The following CEP162 variants were observed in gnomAD, a reference collection of about 807,000 sequenced individuals.
CEP162 encodes centrosomal protein of 162 kDa.
In CEP162, 141 loss-of-function variants were observed where a neutral mutation model predicts 169.2. That is an observed-to-expected ratio of 0.83 (90% CI 0.73 to 0.96). The LOEUF (loss-of-function observed/expected upper bound fraction) is 0.96. Ranked by LOEUF, CEP162 falls within the 40% of genes least tolerant of loss-of-function variation. The probability of loss-of-function intolerance (pLI) is 0.00; values close to 1 mark genes in which losing one functional copy is unlikely to be tolerated. For synonymous variants in CEP162, 540 were observed against 526.4 expected (o/e 1.03, Z -0.35); for missense variants, 1,600 against 1,587.2 (o/e 1.01, Z -0.14).
intron 13 of CEP162, among the ~76,000 whole-genome samples, chr6:84,183,702 T>C (rs575656243): frequency 6.6e-6 from 1 of 152,146 alleles, no homozygotes; most frequent in Non-Finnish European, 1.5e-5. Flanking sequence ...TCAGCTTCAC[T>C]TGGCAAAAAT....
chr6:84,193,803 T>C (rs1332181665), intron 10 of CEP162, 113 bp from the exon 11 acceptor site: 2 of 559,514 alleles, frequency 3.6e-6, no homozygotes, highest in Non-Finnish European at 3.1e-6. Context: ...AAACGGTACA[T>C]GCAATAAACC....
intron 9 of CEP162, among the ~76,000 whole-genome samples, chr6:84,199,975 G>C (rs2099543790): frequency 6.6e-6 from 1 of 152,222 alleles, no homozygotes; most frequent in Non-Finnish European, 1.5e-5. Context: ...ACTGGGCCGG[G>C]TGTGGTGGCT....
intron 9 of CEP162, among the ~76,000 whole-genome samples, chr6:84,196,411 G>A (rs2099542164): frequency 6.6e-6 from 1 of 152,024 alleles, no homozygotes; most frequent in African/African-American, 2.4e-5. Flanking sequence ...ACTTAGTCTT[G>A]GGTATGTCTT....
At position 84,161,854 on chromosome 6, in the gene CEP162, A is replaced by C. The variant is rs748920251; in HGVS notation, c.2568T>G (p.Ser856Arg). Residue 856 changes from serine to arginine, a missense_variant, in exon 20 of 27, where the codon AGT (serine) becomes AGG (arginine). Ser to Arg is a moderately radical substitution (Grantham distance 110). Transcript: ENST00000403245. ...ILEETHKQEI[S>R]RLQKRLQWYA... The stretch of plus-strand genomic sequence containing the variant: ...ACCACTGTAATCTTTTTTGCAGACG[A>C]CTGATTTCTTGTTTATGTGTTTCTT... The C allele has an allele frequency of 6.3e-7, 1 of 1,583,832 alleles. No individual in the cohort carries two copies. Among genetic ancestry groups the C allele is most frequent in the Non-Finnish European group, 8.6e-7 (1 of 1,160,108 alleles).
intron 9 of CEP162, among the ~76,000 whole-genome samples, chr6:84,199,249 A>G (rs9283803): frequency 0.24 from 36,181 of 152,140 alleles, 9,782 homozygotes; most frequent in African/African-American, 0.67. Flanking sequence ...ACATCATGGT[A>G]GAATACTCAG....
Position 84,124,943 on chromosome 6 carries a change from T to C in CEP162, c.*127A>G. 1 of 726,036 alleles carries C rather than the reference T, an allele frequency of 1.4e-6. No individual in the cohort carries two copies. The highest frequency in any genetic ancestry group is 2.3e-6 in the Non-Finnish European group (1 of 434,958). 45.0% of individuals were successfully genotyped at this position (726,036 alleles called of 1,614,324 possible). On this transcript the variant is annotated 3_prime_UTR_variant, in exon 27 of 27. Transcript: ENST00000403245. ...GTTAAAGGCAATTTATTTTGAAATGTTGCTTTGGTTGTTTGCTTTCTGGAA... is the reference window on the plus strand; with the variant it reads ...GTTAAAGGCAATTTATTTTGAAATGCTGCTTTGGTTGTTTGCTTTCTGGAA...
chr6:84,131,888 T>C (rs1400379646), intron 25 of CEP162, among the ~76,000 whole-genome samples: 1 of 152,218 alleles, frequency 6.6e-6, no homozygotes, highest in Non-Finnish European at 1.5e-5. Flanking sequence ...GTCATTGTGA[T>C]GTTAGCTGGT....
intron 11 of CEP162, among the ~76,000 whole-genome samples, chr6:84,193,083 G>A (rs567636676): frequency 9.8e-4 from 150 of 152,302 alleles, no homozygotes; most frequent in African/African-American, 3.4e-3. Flanking sequence ...TAAAAGCAAC[G>A]CTGTCTATTA....
At chr6:84,150,939 A>G (rs2099520848) in intron 23 of CEP162, among the ~76,000 whole-genome samples, 1 of 152,166 alleles carries the variant, frequency 6.6e-6, no homozygotes, top group African/African-American at 2.4e-5. Context: ...ATCTTACACC[A>G]GTTCTCAAGG....
At chr6:84,179,607 G>A (rs1440741776) in intron 13 of CEP162, among the ~76,000 whole-genome samples, 1 of 151,890 alleles carries the variant, frequency 6.6e-6, no homozygotes, top group Non-Finnish European at 1.5e-5. Context: ...TTCTCCCATT[G>A]TGTAGGTTGC....
At chr6:84,135,361 C>G (rs140605899) in intron 25 of CEP162, among the ~76,000 whole-genome samples, 3 of 152,254 alleles carry the variant, frequency 2.0e-5, no homozygotes, top group African/African-American at 7.2e-5. Context: ...AGTGAAGATG[C>G]TTTCTTACTG....
At chr6:84,207,788 A>T (rs2099547848) in intron 6 of CEP162, among the ~76,000 whole-genome samples, 1 of 152,102 alleles carries the variant, frequency 6.6e-6, no homozygotes, top group South Asian at 2.1e-4. Context: ...GGTTTCTGTC[A>T]TTATGGTACT....
intron 20 of CEP162, among the ~76,000 whole-genome samples, chr6:84,161,409 C>A (rs2099525718): frequency 6.6e-6 from 1 of 152,010 alleles, no homozygotes; most frequent in Non-Finnish European, 1.5e-5. Flanking sequence ...GTATTCCAGG[C>A]CAAGAAAACA....
intron 25 of CEP162, among the ~76,000 whole-genome samples, chr6:84,140,250 G>A (rs542782131): frequency 4.6e-5 from 7 of 152,206 alleles, no homozygotes; most frequent in African/African-American, 1.4e-4. Context: ...AGCCTTTGGC[G>A]TTTCAAACTT....
chr6:84,199,431 C>T (rs2099543527), intron 9 of CEP162, among the ~76,000 whole-genome samples: 1 of 151,702 alleles, frequency 6.6e-6, no homozygotes, highest in Admixed American at 6.6e-5. Context: ...GGTTTAGGTC[C>T]TCTTGTTTTT....
intron 25 of CEP162, among the ~76,000 whole-genome samples, chr6:84,127,019 C>T (rs56365278): frequency 0.044 from 6,666 of 152,080 alleles, 471 homozygotes; most frequent in African/African-American, 0.15. Context: ...TAAATGTATA[C>T]ATATAAAGTA....
At chr6:84,174,260 G>A in intron 15 of CEP162, 72 bp from the exon 16 acceptor site, 1 of 1,210,092 alleles carries the variant, frequency 8.3e-7, no homozygotes, top group Non-Finnish European at 1.2e-6. Flanking sequence ...AAGAATAACA[G>A]GAAACTCCTA....
chr6:84,152,683 A>T lies in CEP162; in HGVS notation c.3491T>A (p.Phe1164Tyr). The change falls in exon 23 of 27, where the codon TTC becomes TAC. Residue 1164 changes from phenylalanine to tyrosine, a missense_variant. Physicochemically the swap from Phe to Tyr is conservative, Grantham distance 22 (BLOSUM62 3). Coordinates refer to ENST00000403245, the MANE Select transcript of CEP162 (RefSeq NM_014895.4). ...AACTTCTGAAACATGGGAATCAGTG[A>T]AAGTATGTGGTTGGTACAGCTTGCT... Reference protein sequence around the residue: ...LDSKLYQPHTFTDSHVSEVLQ... With the variant: ...LDSKLYQPHTYTDSHVSEVLQ... 6.2e-7 allele frequency: 1 copy of T among 1,612,572 alleles called. No homozygotes were observed. Among genetic ancestry groups the T allele is most frequent in the Non-Finnish European group, 8.5e-7 (1 of 1,179,322 alleles).
intron 13 of CEP162, among the ~76,000 whole-genome samples, chr6:84,182,336 G>A (rs13192377): frequency 6.6e-6 from 1 of 151,740 alleles, no homozygotes. Flanking sequence ...TTCTTAATAA[G>A]AGAAGACAAT....
Sources: gnomAD v4.1 joint callset for allele counts (sites outside exome capture counted in the v4.1 genomes callset) on GRCh38, gnomAD v4.1.1 for gene constraint, MANE v1.5 for transcripts, NCBI Gene and HGNC (gene_info 2026-07-23, HGNC 2026-07-21) for gene names.